The following MTHFD2L variants were observed in gnomAD, a reference collection of about 807,000 sequenced individuals.
MTHFD2L encodes the protein methylenetetrahydrofolate dehydrogenase (NADP+ dependent) 2 like, also known as bifunctional methylenetetrahydrofolate dehydrogenase/cyclohydrolase 2, mitochondrial.
MTHFD2L carries 29 observed loss-of-function variants against 34.9 expected under a neutral mutation model. That is an observed-to-expected ratio of 0.83 (90% confidence interval 0.62 to 1.13). MTHFD2L has a LOEUF of 1.13. MTHFD2L is among the 50% of genes most tolerant of loss of function. The probability of loss-of-function intolerance (pLI) is 0.00; values close to 1 mark genes in which losing one functional copy is unlikely to be tolerated. For missense variants in MTHFD2L, 481 were observed against 446.5 expected (o/e 1.08, Z -0.70); for synonymous variants, 167 against 155.7 (o/e 1.07, Z -0.54).
chr4:74,158,309 G>A, intron 1 of MTHFD2L, 28 bp downstream of exon 1: 1 of 1,252,800 alleles, frequency 8.0e-7, no homozygotes, highest in East Asian at 3.2e-5. Flanking sequence ...GCCGGGTGCG[G>A]AGCCGCTGGC....
intron 7 of MTHFD2L, among the ~76,000 whole-genome samples, chr4:74,295,918 G>T (rs1339323377): frequency 1.3e-5 from 2 of 152,148 alleles, no homozygotes; most frequent in Non-Finnish European, 2.9e-5. Flanking sequence ...ACACAGTGCT[G>T]TTCAGGCCCA....
At chr4:74,189,893 C>T (rs1238725529) in intron 3 of MTHFD2L, among the ~76,000 whole-genome samples, 1 of 151,986 alleles carries the variant, frequency 6.6e-6, no homozygotes, top group Non-Finnish European at 1.5e-5. Context: ...GGATATTTCT[C>T]TGTGGAAAGT....
At chr4:74,149,752 T>C (rs1723815726) in intron 1 of MTHFD2L, among the ~76,000 whole-genome samples, 1 of 152,232 alleles carries the variant, frequency 6.6e-6, no homozygotes, top group East Asian at 1.9e-4. Context: ...TTCTTGTTGT[T>C]ATGCTTCATA....
chr4:74,157,923 TCC>T (rs778476365), upstream of MTHFD2L: 12 of 761,396 alleles, frequency 1.6e-5, no homozygotes, highest in South Asian at 1.6e-4. Context: ...GGGACTTGGG[TCC>T]TGGCCCCGCC....
intron 6 of MTHFD2L, among the ~76,000 whole-genome samples, chr4:74,240,561 T>C (rs1172454532): frequency 2.6e-5 from 4 of 152,108 alleles, no homozygotes; most frequent in African/African-American, 9.7e-5. Context: ...ATTATATTCA[T>C]TACAGAAAGA....
intron 3 of MTHFD2L, 42 bp downstream of exon 3, chr4:74,175,445 GAAAC>G (rs1168514637): frequency 2.6e-6 from 4 of 1,565,136 alleles, no homozygotes; most frequent in Non-Finnish European, 3.5e-6. Context: ...TGTTAAAAGT[GAAAC>G]AAAGGGCATC....
At chr4:74,157,941 C>T, upstream of MTHFD2L, 2 of 856,102 alleles carry the variant, frequency 2.3e-6, no homozygotes, top group Non-Finnish European at 3.8e-6. Context: ...CCGCCCCCTG[C>T]GGACCCGGCA....
intron 1 of MTHFD2L, among the ~76,000 whole-genome samples, chr4:74,169,321 T>C (rs1246226472): frequency 1.3e-5 from 2 of 152,342 alleles, no homozygotes; most frequent in East Asian, 3.9e-4. Context: ...ATTGGTCTTC[T>C]CTGACAATCT....
chr4:74,118,208 C>T (rs1721688734), intron 2 of MTHFD2L, among the ~76,000 whole-genome samples: 1 of 152,106 alleles, frequency 6.6e-6, no homozygotes, highest in South Asian at 2.1e-4. Flanking sequence ...AAACTAAACA[C>T]TTATAGAATA....
chr4:74,295,635 T>G (rs1159761796), intron 7 of MTHFD2L, among the ~76,000 whole-genome samples: 1 of 152,204 alleles, frequency 6.6e-6, no homozygotes, highest in East Asian at 1.9e-4. Context: ...CTTTAATCAT[T>G]TCTTTTAAAT....
Position 74,158,248 on chromosome 4 carries a change from G to A in MTHFD2L, c.110G>A (p.Ser37Asn). 6.8e-7 allele frequency: 1 copy of A among 1,474,316 alleles called. No homozygotes were observed. The highest frequency in any genetic ancestry group is 9.0e-7 in the Non-Finnish European group (1 of 1,114,352). The allele number at this position is 1,474,316 out of a possible 1,614,324, so 91.3% of individuals were successfully genotyped here. A position where few individuals can be genotyped will look rare whatever the true frequency, so the allele number is the denominator to read the frequency against. Residue 37 changes from serine (S) to asparagine (N), a missense_variant, in exon 1 of 8, where the codon AGT becomes AAT. Ser to Asn is a conservative substitution (Grantham distance 46, BLOSUM62 1). Transcript: ENST00000325278. ...PSVRAPGEPG[S>N]AFRGFRSSGV... is the part of the protein sequence containing the mutation. Reference sequence around the variant, plus strand: ...GTAAGGGCACCGGGAGAGCCCGGGAGTGCGTTCCGGGGCTTTCGGAGCAGC... The same window carrying A: ...GTAAGGGCACCGGGAGAGCCCGGGAATGCGTTCCGGGGCTTTCGGAGCAGC...
intron 7 of MTHFD2L, among the ~76,000 whole-genome samples, chr4:74,300,913 T>C (rs1015078714): frequency 1.3e-5 from 2 of 152,056 alleles, no homozygotes; most frequent in African/African-American, 4.8e-5. Context: ...ATGCAGTACA[T>C]TGTAGAGTAT....
intron 6 of MTHFD2L, among the ~76,000 whole-genome samples, chr4:74,247,417 A>G (rs1213960697): frequency 3.9e-5 from 6 of 152,024 alleles, no homozygotes; most frequent in East Asian, 1.9e-4. Context: ...CAATCATGTC[A>G]TCTGCAAACA....
At chr4:74,135,313 T>G (rs1278142345) in intron 1 of MTHFD2L, among the ~76,000 whole-genome samples, 1 of 151,996 alleles carries the variant, frequency 6.6e-6, no homozygotes, top group South Asian at 2.1e-4. Flanking sequence ...GGAACAAAAA[T>G]GGACACATGA....
intron 6 of MTHFD2L, among the ~76,000 whole-genome samples, chr4:74,232,671 C>T (rs948900468): frequency 1.8e-4 from 27 of 152,084 alleles, no homozygotes; most frequent in African/African-American, 6.0e-4. Context: ...TAATCCCAAC[C>T]AAAGTGAAAT....
chr4:74,122,225 T>C (rs1578213137), upstream of MTHFD2L, among the ~76,000 whole-genome samples: 5 of 152,324 alleles, frequency 3.3e-5, no homozygotes, highest in Middle Eastern at 0.014. Context: ...CTGGGTAATT[T>C]ATAAGGAAAA....
At chr4:74,237,678 G>A (rs1741046318) in intron 6 of MTHFD2L, among the ~76,000 whole-genome samples, 2 of 152,138 alleles carry the variant, frequency 1.3e-5, no homozygotes, top group East Asian at 1.9e-4. Flanking sequence ...AGAAGGTAAG[G>A]AAGCTCTTCA....
chr4:74,183,601 A>C (rs1330721889), intron 3 of MTHFD2L: 1 of 152,142 alleles, frequency 6.6e-6, no homozygotes. Flanking sequence ...GGAGTGAGCC[A>C]AGATCATGCC....
intron 6 of MTHFD2L, among the ~76,000 whole-genome samples, chr4:74,259,429 C>T (rs1744417005): frequency 6.6e-6 from 1 of 152,158 alleles, no homozygotes; most frequent in Non-Finnish European, 1.5e-5. Context: ...CATCCTCACT[C>T]CACTCCTCCC....
Sources: allele counts gnomAD v4.1 joint callset (sites outside exome capture counted in the v4.1 genomes callset), GRCh38; gene constraint gnomAD v4.1.1; transcripts MANE v1.5; gene names NCBI Gene and HGNC (gene_info 2026-07-23, HGNC 2026-07-21).